SVEP1: variants seen among roughly 807,000 people sequenced by gnomAD.
SVEP1 encodes sushi, von Willebrand factor type A, EGF and pentraxin domain-containing protein 1.
Under a neutral mutation model 367.3 loss-of-function variants are expected in SVEP1, and 164 were observed. The ratio of observed to expected loss-of-function variants is 0.45; its 90% CI spans 0.39 to 0.51. SVEP1 has a LOEUF of 0.51. SVEP1 is among the 20% of genes least tolerant of loss of function. The pLI, the probability that SVEP1 is intolerant of heterozygous loss-of-function variation, is 0.00. For synonymous variants in SVEP1, 1,666 were observed against 1,611.6 expected, an observed-to-expected ratio of 1.03 and a Z score of -0.81; for missense variants, 4,117 against 4,425.3, an observed-to-expected ratio of 0.93 and a Z score of 1.98.
At chr9:110,477,583 C>G (rs1045541316) in intron 13 of SVEP1, among the ~76,000 whole-genome samples, 13 of 152,130 alleles carry the variant, frequency 8.5e-5, no homozygotes, top group African/African-American at 2.9e-4. Context: ...CTCAGATGAT[C>G]ATTTTTTTTA....
intron 5 of SVEP1, among the ~76,000 whole-genome samples, chr9:110,507,981 G>T (rs965935889): frequency 3.3e-5 from 5 of 152,084 alleles, no homozygotes; most frequent in African/African-American, 4.8e-5. Context: ...AACTTCCATT[G>T]CTCCCCACTG....
chr9:110,572,724 T>A (rs1174991757), intron 1 of SVEP1, among the ~76,000 whole-genome samples: 2 of 137,566 alleles, frequency 1.5e-5, no homozygotes, highest in Non-Finnish European at 3.0e-5. Context: ...TAGTCAGGTG[T>A]GACGCCGAGA....
intron 14 of SVEP1, among the ~76,000 whole-genome samples, chr9:110,473,905 A>G (rs1298016112): frequency 6.6e-6 from 1 of 152,224 alleles, no homozygotes; most frequent in Non-Finnish European, 1.5e-5. Context: ...TTTCTATACA[A>G]TGTATGAATA....
intron 36 of SVEP1, among the ~76,000 whole-genome samples, chr9:110,423,741 G>C (rs1202351727): frequency 6.6e-5 from 10 of 152,166 alleles, no homozygotes; most frequent in Non-Finnish European, 1.5e-5. Context: ...GAATATCTTT[G>C]CAACTCATGT....
intron 36 of SVEP1, 64 bp from the exon 37 acceptor site, chr9:110,411,799 T>G: frequency 1.4e-6 from 2 of 1,380,954 alleles, no homozygotes; most frequent in Admixed American, 3.1e-5. Context: ...TGTTTGTGTC[T>G]TCTTCTATTT....
chr9:110,447,465 A>G (rs1383706786), intron 24 of SVEP1, among the ~76,000 whole-genome samples: 1 of 152,244 alleles, frequency 6.6e-6, no homozygotes, highest in East Asian at 1.9e-4. Flanking sequence ...GCTCAGAAAG[A>G]TTAAAGAATT....
chr9:110,443,824 A>G (rs943557313), intron 26 of SVEP1, 104 bp from the exon 27 acceptor site: 15 of 1,021,740 alleles, frequency 1.5e-5, no homozygotes, highest in Non-Finnish European at 1.7e-5. Context: ...TTTGTGGGTA[A>G]AGTACTTTGT....
In SVEP1 at chr9:110,444,826, C is replaced by T. The variant is rs188257702; in HGVS notation, c.4463+1011G>A. 6.0e-4 allele frequency among the ~76,000 whole-genome samples: 92 copies of T among 152,236 alleles called. 1 individual carries two copies. Among genetic ancestry groups the T allele is most frequent in the African/African-American group, 2.0e-3 (84 of 41,526 alleles). On this transcript the variant is annotated intron_variant, in intron 26 of 47. Coordinates refer to ENST00000374469, the MANE Select transcript of SVEP1 (RefSeq NM_153366.4). ...CAGTTTCTCTCCTTATTCAAGGAGG[C>T]GACAGATTCTCTCTTTATATATATT...
In SVEP1 at chr9:110,400,842, T is replaced by G; in HGVS notation, c.9822+12A>C. The G allele has an allele frequency of 2.5e-6, 4 of 1,597,316 alleles. No homozygotes were observed. Among genetic ancestry groups the G allele is most frequent in the Non-Finnish European group, 3.4e-6 (4 of 1,172,464 alleles). ...AACAAATTATTTCTAGTTAAACAATTTGTTCGCTTACCTCTAGTTCATAGC... is the reference window on the plus strand; with the variant it reads ...AACAAATTATTTCTAGTTAAACAATGTGTTCGCTTACCTCTAGTTCATAGC... On this transcript the variant is annotated intron_variant, in intron 40 of 47. Transcript: ENST00000374469.
Position 110,575,535 on chromosome 9 carries a change from C to A in SVEP1, c.531+3478G>T, listed in dbSNP as rs117682845. Among the ~76,000 whole-genome samples the A allele has an allele frequency of 2.2e-3, 339 of 152,208 alleles. 5 individuals are homozygous for A. The East Asian group carries it at 0.039, about 18-fold the overall frequency. Reference sequence around the variant, plus strand: ...AGCTGCAAAACTATACCCTGCCTGGCGCGACTGCTTCAACACACAGAGAGC... The same window carrying A: ...AGCTGCAAAACTATACCCTGCCTGGAGCGACTGCTTCAACACACAGAGAGC... On this transcript the variant is annotated intron_variant, in intron 1 of 47. Transcript: ENST00000374469.
chr9:110,387,884 A>G (rs1453876624), intron 41 of SVEP1, among the ~76,000 whole-genome samples: 4 of 152,248 alleles, frequency 2.6e-5, no homozygotes, highest in Admixed American at 2.6e-4. Context: ...ATAAATAACA[A>G]ATACATTTTT....
chr9:110,482,499 A>C lies in SVEP1; in HGVS notation c.2039-7T>G. 1 of 1,559,418 alleles carries C rather than the reference A, an allele frequency of 6.4e-7. No homozygotes were observed. The highest frequency in any genetic ancestry group is 8.7e-7 in the Non-Finnish European group (1 of 1,151,090). On this transcript the variant is annotated splice_region_variant and splice_polypyrimidine_tract_variant and intron_variant, in intron 10 of 47. Coordinates refer to ENST00000374469, the MANE Select transcript of SVEP1 (RefSeq NM_153366.4). ...GTAATGACCAATTCAGCCCCTGGAA[A>C]GGAAAGAAGGCAGCCAATTTTTGGG... is the stretch of plus-strand genomic sequence containing the variant.
Position 110,407,423 on chromosome 9 carries a change from C to T in SVEP1, c.8177G>A (p.Gly2726Asp), listed in dbSNP as rs1424002115. The change falls in exon 38 of 48, where the codon GGC (glycine) becomes GAC (aspartate). Residue 2726 changes from glycine to aspartate, a missense_variant. This residue lies in a region of SVEP1 where 1,765 missense variants were observed against 1,781.1 expected (regional missense o/e 0.99). Transcript: ENST00000374469. ...ECDLPTAPENGFLRFTETSMG... is the reference protein window; with the variant it reads ...ECDLPTAPENDFLRFTETSMG... Reference sequence around the variant, plus strand: ...GCTAGTCTCTGTAAAACGCAAAAAGCCATTTTCAGGAGCAGTAGGCAAGTC... The same window carrying T: ...GCTAGTCTCTGTAAAACGCAAAAAGTCATTTTCAGGAGCAGTAGGCAAGTC... 1 of 1,613,860 alleles carries T rather than the reference C, an allele frequency of 6.2e-7. No individual in the cohort carries two copies. The highest frequency in any genetic ancestry group is 8.5e-7 in the Non-Finnish European group (1 of 1,179,904).
chr9:110,377,468 A>G, intron 44 of SVEP1, 102 bp from the exon 45 acceptor site: 4 of 1,068,748 alleles, frequency 3.7e-6, no homozygotes, highest in Non-Finnish European at 5.4e-6. Context: ...TCCTTGAGTC[A>G]AGCTTTCAGG....
chr9:110,435,213 G>A (rs771431688), intron 29 of SVEP1, 28 bp downstream of exon 29: 11 of 1,609,176 alleles, frequency 6.8e-6, no homozygotes, highest in East Asian at 4.5e-5. Context: ...AAGAGATAGT[G>A]GAGTCTATGA....
At chr9:110,437,615 T>C (rs1292760626) in intron 27 of SVEP1, among the ~76,000 whole-genome samples, 4 of 152,234 alleles carry the variant, frequency 2.6e-5, no homozygotes, top group Non-Finnish European at 5.9e-5. Context: ...GATTCTACCC[T>C]GTGACTTTCT....
At chr9:110,482,532 C>T in intron 10 of SVEP1, 40 bp from the exon 11 acceptor site, 2 of 1,547,472 alleles carry the variant, frequency 1.3e-6, no homozygotes, top group South Asian at 1.2e-5. Flanking sequence ...GGGTTGTATT[C>T]ACAATATTTT....
chr9:110,532,865 G>A (rs1056714722), intron 3 of SVEP1, among the ~76,000 whole-genome samples: 1 of 151,956 alleles, frequency 6.6e-6, no homozygotes, highest in African/African-American at 2.4e-5. Flanking sequence ...CCCTGGGGAG[G>A]GGGCAAAATT....
chr9:110,486,262 T>C lies in SVEP1; in HGVS notation c.1931-2569A>G, dbSNP rs570025279. On this transcript the variant is annotated intron_variant, in intron 9 of 47. Coordinates refer to ENST00000374469, the MANE Select transcript of SVEP1 (RefSeq NM_153366.4). ...GACAATTGAATATTCAAAGATTTTC[T>C]GGGCATATCTGATTTTATTCAGACA... Among the ~76,000 whole-genome samples, 21 of 152,358 alleles carry C rather than the reference T, an allele frequency of 1.4e-4. 1 individual carries two copies. The South Asian group carries it at 2.3e-3, about 17-fold the overall frequency.
Sources: allele counts gnomAD v4.1 joint callset (sites outside exome capture counted in the v4.1 genomes callset), GRCh38; gene constraint gnomAD v4.1.1; regional missense constraint gnomAD v4.1.1; transcripts MANE v1.5; gene names NCBI Gene and HGNC (gene_info 2026-07-23, HGNC 2026-07-21).